ATP1A4: variants seen among roughly 807,000 people sequenced by gnomAD.
The protein encoded by ATP1A4 is sodium/potassium-transporting ATPase subunit alpha-4.
Under a neutral mutation model 114.3 loss-of-function variants are expected in ATP1A4, and 90 were observed. That is an observed-to-expected ratio of 0.79 (90% CI 0.66 to 0.94). ATP1A4 has a LOEUF of 0.94. Ranked by LOEUF, ATP1A4 falls within the 40% of genes least tolerant of loss-of-function variation. ATP1A4 has a pLI of 0.00. For synonymous variants in ATP1A4, 511 were observed against 494.1 expected (o/e 1.03, Z -0.45); for missense variants, 1,222 against 1,313.6 (o/e 0.93, Z 1.08).
intron 7 of ATP1A4, among the ~76,000 whole-genome samples, chr1:160,164,818 T>G (rs1347568348): frequency 6.6e-6 from 1 of 152,236 alleles, no homozygotes; most frequent in Non-Finnish European, 1.5e-5. Flanking sequence ...TTTCAACCAG[T>G]GCTGAATATC....
At chr1:160,153,104 C>T in intron 1 of ATP1A4, 61 bp from the exon 2 acceptor site, 2 of 1,350,676 alleles carry the variant, frequency 1.5e-6, no homozygotes, top group Non-Finnish European at 2.1e-6. Flanking sequence ...TGTTTCTCCC[C>T]CTCTCCCTGG....
chr1:160,152,791 C>T (rs1207069799), intron 1 of ATP1A4, among the ~76,000 whole-genome samples: 1 of 152,056 alleles, frequency 6.6e-6, no homozygotes, highest in East Asian at 1.9e-4. Context: ...AATCCCAGCA[C>T]TTTGGGAGGC....
At chr1:160,153,497 A>C (rs905060071) in intron 2 of ATP1A4, among the ~76,000 whole-genome samples, 2 of 152,236 alleles carry the variant, frequency 1.3e-5, no homozygotes, top group Non-Finnish European at 2.9e-5. Context: ...TTACACTCTT[A>C]GAATTTATCT....
chr1:160,166,939 C>G (rs753929886), intron 8 of ATP1A4, 29 bp from the exon 9 acceptor site: 2 of 1,604,024 alleles, frequency 1.2e-6, no homozygotes, highest in Non-Finnish European at 1.7e-6. Flanking sequence ...TCATTCCCTG[C>G]TCACAATTCT....
chr1:160,186,882 G>T lies in ATP1A4; in HGVS notation c.*183G>T, dbSNP rs1013367703. ...AGAGGATGAGGTGGGCTGAAGGGAA[G>T]CCCAGCCTGCATCTAGCTGGAGCCC... On this transcript the variant is annotated 3_prime_UTR_variant, in exon 22 of 22. Coordinates refer to ENST00000368081, the MANE Select transcript of ATP1A4 (RefSeq NM_144699.4). The T allele has an allele frequency of 1.4e-6, 1 of 702,398 alleles. No homozygotes were observed. The highest frequency in any genetic ancestry group is 2.5e-6 in the Non-Finnish European group (1 of 407,194). 43.5% of individuals were successfully genotyped at this position (702,398 alleles called of 1,614,324 possible). A position where few individuals can be genotyped will look rare whatever the true frequency, so the allele number is the denominator to read the frequency against.
chr1:160,176,702 A>G, intron 17 of ATP1A4, 100 bp downstream of exon 17: 1 of 1,503,548 alleles, frequency 6.7e-7, no homozygotes, highest in Non-Finnish European at 9.0e-7. Context: ...ATATTTTCTC[A>G]GCAACAAACT....
chr1:160,168,508 G>A (rs1374980664), intron 10 of ATP1A4, among the ~76,000 whole-genome samples: 1 of 149,560 alleles, frequency 6.7e-6, no homozygotes, highest in Non-Finnish European at 1.5e-5. Flanking sequence ...TCAGCCTCCA[G>A]AATAGCTGGG....
chr1:160,176,639 A>G, intron 17 of ATP1A4, 37 bp downstream of exon 17: 1 of 1,603,172 alleles, frequency 6.2e-7, no homozygotes, highest in Non-Finnish European at 8.5e-7. Context: ...GGGAGCAGGG[A>G]GTGGTTTCCC....
Position 160,174,134 on chromosome 1 carries a change from A to G in ATP1A4, c.2015A>G (p.His672Arg). Residue 672 changes from histidine to arginine, a missense_variant, in exon 14 of 22, where the codon CAT (histidine) becomes CGT (arginine). Physicochemically the swap from His to Arg is conservative, Grantham distance 29. Coordinates refer to ENST00000368081, the MANE Select transcript of ATP1A4 (RefSeq NM_144699.4). ...AGTGCTGCCAAAGCCATTGTGGTGC[A>G]TGGTGCAGAACTGAAGGACATACAG... ...DASAAKAIVV[H>R]GAELKDIQSK... 6.2e-7 allele frequency: 1 copy of G among 1,614,052 alleles called. No homozygotes were observed. Among genetic ancestry groups the G allele is most frequent in the Non-Finnish European group, 8.5e-7 (1 of 1,179,972 alleles).
intron 10 of ATP1A4, chr1:160,170,430 AC>A (rs1337352039): frequency 1.3e-5 from 2 of 152,488 alleles, no homozygotes; most frequent in Non-Finnish European, 2.9e-5. Context: ...ATCTTCAAAA[AC>A]AAAAACAAAA....
intron 15 of ATP1A4, among the ~76,000 whole-genome samples, 180 bp downstream of exon 15, chr1:160,174,927 A>T (rs1433375320): frequency 6.6e-6 from 1 of 152,200 alleles, no homozygotes; most frequent in Non-Finnish European, 1.5e-5. Context: ...GACCATCACT[A>T]TCTGCAACCC....
intron 20 of ATP1A4, among the ~76,000 whole-genome samples, chr1:160,185,812 A>G (rs142273825): frequency 2.0e-3 from 298 of 151,322 alleles, no homozygotes; most frequent in African/African-American, 6.6e-3. Flanking sequence ...CCAGCTACTC[A>G]GGAGGCTGAG....
At chr1:160,160,875 G>A (rs548554744) in intron 6 of ATP1A4, among the ~76,000 whole-genome samples, 1 of 152,262 alleles carries the variant, frequency 6.6e-6, no homozygotes, top group Non-Finnish European at 1.5e-5. Context: ...TTTTAAAATT[G>A]ATTGGACAGA....
Position 160,159,004 on chromosome 1 carries a change from A to G in ATP1A4, c.528A>G (p.Gln176=), listed in dbSNP as rs773099612. 1.9e-6 allele frequency: 3 copies of G among 1,613,638 alleles called. No homozygotes were observed. The highest frequency in any genetic ancestry group is 2.5e-6 in the Non-Finnish European group (3 of 1,179,792). ...MESFKNMVPQ[Q]ALVIRGGEKM... ...GATCCTGCACTATCCTCTCATAGCA[A>G]GCTCTGGTAATTCGAGGAGGAGAGA... The change falls in exon 5 of 22, where the codon CAA becomes CAG. Residue 176 remains glutamine, a splice_region_variant and synonymous_variant. Transcript: ENST00000368081.
chr1:160,154,460 A>T (rs1571008244), intron 2 of ATP1A4, among the ~76,000 whole-genome samples: 1 of 152,214 alleles, frequency 6.6e-6, no homozygotes, highest in Non-Finnish European at 1.5e-5. Flanking sequence ...TGATCAAATC[A>T]GGGTATTTAG....
chr1:160,160,302 T>A, intron 6 of ATP1A4, among the ~76,000 whole-genome samples: 1 of 152,140 alleles, frequency 6.6e-6, no homozygotes, highest in Non-Finnish European at 1.5e-5. Flanking sequence ...CTGCAACCTC[T>A]GCCTCCCAAG....
At chr1:160,162,834 C>G (rs1186079819) in intron 6 of ATP1A4, among the ~76,000 whole-genome samples, 1 of 152,132 alleles carries the variant, frequency 6.6e-6, no homozygotes, top group Non-Finnish European at 1.5e-5. Context: ...AACTCCTCAG[C>G]TGCTGAGGGC....
At chr1:160,170,986 T>G in intron 10 of ATP1A4, 1 of 342,582 alleles carries the variant, frequency 2.9e-6, no homozygotes, top group Non-Finnish European at 5.3e-6. Flanking sequence ...AGGGGAAAAG[T>G]GAGAGTGCCT....
chr1:160,170,319 G>A (rs142042940), intron 10 of ATP1A4: 2,278 of 152,330 alleles, frequency 0.015, 63 homozygotes, highest in African/African-American at 0.052. Flanking sequence ...CCAGCTACTC[G>A]GGAGGCTGAA....
Sources: gnomAD v4.1 joint callset for allele counts (sites outside exome capture counted in the v4.1 genomes callset) on GRCh38, gnomAD v4.1.1 for gene constraint, MANE v1.5 for transcripts, NCBI Gene and HGNC (gene_info 2026-07-23, HGNC 2026-07-21) for gene names.